The following FAXC variants were observed in gnomAD, a reference collection of about 807,000 sequenced individuals.
FAXC encodes failed axon connections homolog, metaxin like GST domain containing, also known as failed axon connections homolog.
In FAXC, 10 loss-of-function variants were observed where a neutral mutation model predicts 41.9. The ratio of observed to expected loss-of-function variants is 0.24; its 90% CI spans 0.15 to 0.41. The LOEUF is 0.41. Among genes scored for constraint, FAXC ranks in the 10% least tolerant of loss-of-function variants. The pLI is 1.00. For missense variants in FAXC, 399 were observed against 510.9 expected, an observed-to-expected ratio of 0.78 and a Z score of 2.11; for synonymous variants, 183 against 183.8, an observed-to-expected ratio of 1.00 and a Z score of 0.03.
intron 3 of FAXC, among the ~76,000 whole-genome samples, chr6:99,331,467 T>C (rs1019142832): frequency 2.0e-5 from 3 of 152,142 alleles, no homozygotes; most frequent in African/African-American, 7.2e-5. Context: ...CAGGGATGAA[T>C]TTTTAGCAAG....
chr6:99,307,423 T>C (rs1379480750), intron 4 of FAXC, among the ~76,000 whole-genome samples: 1 of 151,820 alleles, frequency 6.6e-6, no homozygotes, highest in Non-Finnish European at 1.5e-5. Flanking sequence ...CCCAGACGGA[T>C]GAGGTGAGTG....
chr6:99,294,396 G>A (rs1771391372), intron 4 of FAXC, among the ~76,000 whole-genome samples: 1 of 152,150 alleles, frequency 6.6e-6, no homozygotes, highest in Non-Finnish European at 1.5e-5. Context: ...CATCCTGCTA[G>A]GGCAGGAGGG....
chr6:99,318,306 C>CACAAA lies in FAXC; in HGVS notation c.823+5137_823+5138insTTTGT, dbSNP rs147852055. Among the ~76,000 whole-genome samples, 238 of 135,314 alleles carry CACAAA rather than the reference C, an allele frequency of 1.8e-3. 1 individual carries two copies. Among genetic ancestry groups the CACAAA allele is most frequent in the African/African-American group, 6.1e-3 (223 of 36,756 alleles). The allele number at this position is 135,314 out of a possible 152,430, so 88.8% of individuals were successfully genotyped here. On this transcript the variant is annotated intron_variant, in intron 4 of 5. Transcript: ENST00000389677. Reference sequence around the variant, plus strand: ...ACACACACACACACACACACACACACAAAATAGAAGAAATGGAAAATATAT... The same window carrying CACAAA: ...ACACACACACACACACACACACACACACAAAAAAATAGAAGAAATGGAAAATATAT...
chr6:99,300,602 TTA>T (rs1015819751), intron 4 of FAXC, among the ~76,000 whole-genome samples: 9 of 152,302 alleles, frequency 5.9e-5, no homozygotes, highest in Non-Finnish European at 8.8e-5. Flanking sequence ...GCTATAAAAA[TTA>T]TATGAGTCTC....
At chr6:99,323,231 C>A (rs1017602084) in intron 4 of FAXC, among the ~76,000 whole-genome samples, 2 of 152,152 alleles carry the variant, frequency 1.3e-5, no homozygotes, top group Non-Finnish European at 2.9e-5. Flanking sequence ...CACGGGCTCA[C>A]CATGCTAAAA....
intron 4 of FAXC, among the ~76,000 whole-genome samples, chr6:99,317,384 A>G (rs777946272): frequency 6.6e-5 from 9 of 135,436 alleles, no homozygotes; most frequent in South Asian, 2.1e-4. Context: ...CTCTGCTTCC[A>G]GGGGCAACCT....
intron 2 of FAXC, among the ~76,000 whole-genome samples, chr6:99,341,050 C>T (rs1773409614): frequency 6.6e-6 from 1 of 152,110 alleles, no homozygotes; most frequent in South Asian, 2.1e-4. Flanking sequence ...ACCCAAGGTA[C>T]ACGTAAACTG....
intron 5 of FAXC, among the ~76,000 whole-genome samples, chr6:99,289,345 T>G (rs1257696159): frequency 6.6e-6 from 1 of 152,062 alleles, no homozygotes; most frequent in Non-Finnish European, 1.5e-5. Context: ...ATAAACCCAT[T>G]GAAAGCTAAA....
rs978711030 is a variant in FAXC at position 99,272,635 on chromosome 6, T to TA, written c.*8528dup. ...ACTCTGAGGCACACTGGGCATGAAA[T>TA]AAAAGCAGGAGAGGATGGGACAGCA... On this transcript the variant is annotated 3_prime_UTR_variant, in exon 6 of 6. Coordinates refer to ENST00000389677, the MANE Select transcript of FAXC (RefSeq NM_032511.4). 1 of 152,190 alleles carries TA rather than the reference T, an allele frequency of 6.6e-6. No individual in the cohort carries two copies. The highest frequency in any genetic ancestry group is 1.5e-5 in the Non-Finnish European group (1 of 68,036). 9.4% of individuals were successfully genotyped at this position (152,190 alleles called of 1,614,324 possible).
rs1199453818 is a variant in FAXC at position 99,274,206 on chromosome 6, G to C, written c.*6958C>G. 1 of 152,094 alleles carries C rather than the reference G, an allele frequency of 6.6e-6. No individual in the cohort carries two copies. Among genetic ancestry groups the C allele is most frequent in the Non-Finnish European group, 1.5e-5 (1 of 68,024 alleles). 9.4% of individuals were successfully genotyped at this position (152,094 alleles called of 1,614,324 possible). A position where few individuals can be genotyped will look rare whatever the true frequency, so the allele number is the denominator to read the frequency against. ...CAGGCCTGGCTTCAGAAGGGGAATG[G>C]GGGACATGAGCATAGAAATTAAGAT... On this transcript the variant is annotated 3_prime_UTR_variant, in exon 6 of 6. Coordinates refer to ENST00000389677, the MANE Select transcript of FAXC (RefSeq NM_032511.4).
At chr6:99,328,696 C>A (rs189777684) in intron 3 of FAXC, among the ~76,000 whole-genome samples, 101 of 152,278 alleles carry the variant, frequency 6.6e-4, no homozygotes, top group African/African-American at 2.4e-3. Context: ...TTTGACAATA[C>A]CTCCTCTGCA....
intron 4 of FAXC, among the ~76,000 whole-genome samples, chr6:99,305,515 A>G (rs1336740144): frequency 1.3e-5 from 2 of 152,056 alleles, no homozygotes; most frequent in African/African-American, 4.8e-5. Flanking sequence ...TCATTTACAA[A>G]CCAGGCATAA....
At chr6:99,304,439 T>C (rs1021706594) in intron 4 of FAXC, among the ~76,000 whole-genome samples, 2 of 152,172 alleles carry the variant, frequency 1.3e-5, no homozygotes, top group Non-Finnish European at 2.9e-5. Context: ...GTGTTTCCTT[T>C]TCTTAGAAAA....
In FAXC at chr6:99,283,685, C is replaced by T. The variant is rs775782778; in HGVS notation, c.941-2232G>A. On this transcript the variant is annotated intron_variant, in intron 5 of 5. Transcript: ENST00000389677. Reference sequence around the variant, plus strand: ...TTATGGGGACAGTCATGAAACGCCTCACCAGGTATTGCTGCCAATCCCAGG... The same window carrying T: ...TTATGGGGACAGTCATGAAACGCCTTACCAGGTATTGCTGCCAATCCCAGG... Among the ~76,000 whole-genome samples, 54 of 152,270 alleles carry T rather than the reference C, an allele frequency of 3.5e-4. 1 individual carries two copies. Among genetic ancestry groups the T allele is most frequent in the South Asian group, 3.5e-3 (17 of 4,820 alleles).
In FAXC at chr6:99,333,487, C is replaced by T; in HGVS notation, c.463G>A (p.Glu155Lys). The T allele has an allele frequency of 1.9e-6, 3 of 1,614,090 alleles. No individual in the cohort carries two copies. The highest frequency in any genetic ancestry group is 1.7e-6 in the Non-Finnish European group (2 of 1,179,998). Residue 155 changes from glutamate (E) to lysine (K), a missense_variant, in exon 3 of 6, where the codon GAA becomes AAA. Glu to Lys is a moderately conservative substitution (Grantham distance 56). This residue lies in a region of FAXC where 239 missense variants were observed against 352.7 expected (regional missense o/e 0.68). Transcript: ENST00000389677. Reference sequence around the variant, plus strand: ...ATGAATTCTGTGCCAGAAACTTTTTCATGATTATATTCAATCCAAGGCATT... The same window carrying T: ...ATGAATTCTGTGCCAGAAACTTTTTTATGATTATATTCAATCCAAGGCATT... ...GKMPWIEYNH[E>K]KVSGTEFIID...
intron 4 of FAXC, among the ~76,000 whole-genome samples, chr6:99,311,341 C>A (rs1379079245): frequency 6.6e-6 from 1 of 152,118 alleles, no homozygotes; most frequent in Non-Finnish European, 1.5e-5. Context: ...CTTTGGGAGG[C>A]CGAGGTGGGT....
At chr6:99,310,161 A>G (rs1772101852) in intron 4 of FAXC, among the ~76,000 whole-genome samples, 1 of 152,194 alleles carries the variant, frequency 6.6e-6, no homozygotes, top group African/African-American at 2.4e-5. Flanking sequence ...TTTGACATGG[A>G]AAGAAGGGCT....
chr6:99,294,952 A>T (rs375124788), intron 4 of FAXC, among the ~76,000 whole-genome samples: 30 of 152,326 alleles, frequency 2.0e-4, no homozygotes, highest in East Asian at 9.6e-4. Flanking sequence ...AAGGTTGAGA[A>T]TGCTACCAGG....
At chr6:99,333,848 T>C (rs1773120074) in intron 2 of FAXC, among the ~76,000 whole-genome samples, 1 of 151,996 alleles carries the variant, frequency 6.6e-6, no homozygotes, top group South Asian at 2.1e-4. Context: ...GGGTAGCAGA[T>C]TGAAAGGGCT....
Sources: gnomAD v4.1 joint callset for allele counts (sites outside exome capture counted in the v4.1 genomes callset) on GRCh38, gnomAD v4.1.1 for gene constraint, gnomAD v4.1.1 regional missense constraint, MANE v1.5 for transcripts, NCBI Gene and HGNC (gene_info 2026-07-23, HGNC 2026-07-21) for gene names.